The following CALN1 variants were observed in gnomAD, a reference collection of about 807,000 sequenced individuals.
CALN1 encodes calneuron 1.
Under a neutral mutation model 30.6 loss-of-function variants are expected in CALN1, and 17 were observed. The ratio of observed to expected loss-of-function variants is 0.56; its 90% CI spans 0.38 to 0.83. The LOEUF (loss-of-function observed/expected upper bound fraction) is 0.83. Among genes scored for constraint, CALN1 ranks in the 40% least tolerant of loss-of-function variants. CALN1 has a pLI of 0.00. For missense variants in CALN1, 291 were observed against 354.9 expected (o/e 0.82, Z 1.45); for synonymous variants, 156 against 131.4 (o/e 1.19, Z -1.28).
intron 5 of CALN1, among the ~76,000 whole-genome samples, chr7:71,989,482 G>A (rs1253078098): frequency 1.3e-5 from 2 of 151,696 alleles, no homozygotes; most frequent in East Asian, 1.9e-4. Context: ...CAATATCTGG[G>A]AGGAATTTCC....
intron 5 of CALN1, among the ~76,000 whole-genome samples, chr7:71,937,261 G>T (rs1471436392): frequency 1.3e-5 from 2 of 151,876 alleles, no homozygotes; most frequent in African/African-American, 4.8e-5. Flanking sequence ...AGTGAGCTGA[G>T]ATCGTACCAT....
At chr7:72,301,150 G>A (rs1188297205) in intron 2 of CALN1, among the ~76,000 whole-genome samples, 2 of 152,180 alleles carry the variant, frequency 1.3e-5, no homozygotes, top group African/African-American at 4.8e-5. Context: ...ATGCAAACTG[G>A]AAAGAAAGTG....
At chr7:72,070,828 C>G (rs1183498055) in intron 4 of CALN1, among the ~76,000 whole-genome samples, 1 of 152,154 alleles carries the variant, frequency 6.6e-6, no homozygotes, top group Non-Finnish European at 1.5e-5. Context: ...CCTCCCCTGT[C>G]TATAATTCAA....
intron 5 of CALN1, among the ~76,000 whole-genome samples, chr7:71,981,190 G>A (rs563742296): frequency 3.6e-4 from 55 of 152,278 alleles, no homozygotes; most frequent in African/African-American, 1.3e-3. Flanking sequence ...TATTTAGTGT[G>A]TTAGATCTTA....
intron 2 of CALN1, among the ~76,000 whole-genome samples, chr7:72,400,138 G>A (rs1005371630): frequency 6.6e-6 from 1 of 151,920 alleles, no homozygotes; most frequent in Non-Finnish European, 1.5e-5. Context: ...GCACAAAACG[G>A]ACTAATACAT....
intron 3 of CALN1, among the ~76,000 whole-genome samples, chr7:72,238,185 A>G (rs1456850742): frequency 6.6e-6 from 1 of 152,206 alleles, no homozygotes; most frequent in African/African-American, 2.4e-5. Flanking sequence ...AAAATTCACA[A>G]AAGGAAATCA....
intron 4 of CALN1, among the ~76,000 whole-genome samples, chr7:72,074,067 C>G (rs1354007899): frequency 6.6e-6 from 1 of 152,142 alleles, no homozygotes; most frequent in Non-Finnish European, 1.5e-5. Flanking sequence ...TGGGGAGAAT[C>G]AAGTGTCAGG....
At chr7:72,164,069 A>C (rs1455260593) in intron 3 of CALN1, among the ~76,000 whole-genome samples, 1 of 152,200 alleles carries the variant, frequency 6.6e-6, no homozygotes, top group Non-Finnish European at 1.5e-5. Flanking sequence ...GTATCCTTTT[A>C]AGAAGATGGC....
At chr7:71,909,948 G>A (rs1794338760) in intron 5 of CALN1, among the ~76,000 whole-genome samples, 1 of 152,182 alleles carries the variant, frequency 6.6e-6, no homozygotes, top group Non-Finnish European at 1.5e-5. Context: ...GCATGGCTGG[G>A]GAGGCCTCCC....
At chr7:72,135,505 T>C (rs112952850) in intron 3 of CALN1, among the ~76,000 whole-genome samples, 2,075 of 152,330 alleles carry the variant, frequency 0.014, 50 homozygotes, top group African/African-American at 0.047. Flanking sequence ...ACCAGGTGCA[T>C]TGTCAATGAG....
rs1311645440 is a variant in CALN1 at position 72,099,390 on chromosome 7, T to A, written c.388+6761A>T. ...TGTTCCACACCAAAGAGAAACTTAATTAGGTAGGCTCGAATCTCTGGAGGA... is the reference window on the plus strand; with the variant it reads ...TGTTCCACACCAAAGAGAAACTTAAATAGGTAGGCTCGAATCTCTGGAGGA... On this transcript the variant is annotated intron_variant, in intron 4 of 6. Coordinates refer to ENST00000395275, the MANE Select transcript of CALN1 (RefSeq NM_031468.4). Among the ~76,000 whole-genome samples the A allele has an allele frequency of 2.0e-5, 3 of 151,296 alleles. No homozygotes were observed. The East Asian group carries it at 5.8e-4, about 29-fold the overall frequency.
At chr7:72,052,341 C>A (rs961534803) in intron 4 of CALN1, among the ~76,000 whole-genome samples, 1 of 152,080 alleles carries the variant, frequency 6.6e-6, no homozygotes, top group African/African-American at 2.4e-5. Context: ...CCAGGGAAGG[C>A]AGGTCTCTGG....
chr7:71,831,118 T>C (rs1789249949), intron 5 of CALN1, among the ~76,000 whole-genome samples: 1 of 152,152 alleles, frequency 6.6e-6, no homozygotes, highest in South Asian at 2.1e-4. Flanking sequence ...ACTAGTTGCG[T>C]ACCCTGAAGC....
chr7:72,486,327 T>A, the CALN1 span, among the ~76,000 whole-genome samples: 1 of 152,304 alleles, frequency 6.6e-6, no homozygotes, highest in Non-Finnish European at 1.5e-5. Context: ...GTAGTAATAA[T>A]ACATATAAAC....
chr7:72,303,276 G>A (rs1444036433), intron 2 of CALN1, among the ~76,000 whole-genome samples: 1 of 152,150 alleles, frequency 6.6e-6, no homozygotes, highest in Non-Finnish European at 1.5e-5. Context: ...CAGTGCCAAG[G>A]AGGACAGGAA....
chr7:72,245,439 T>C (rs1795095412), intron 3 of CALN1, among the ~76,000 whole-genome samples: 1 of 151,144 alleles, frequency 6.6e-6, no homozygotes, highest in Admixed American at 6.6e-5. Context: ...ACCAACATGG[T>C]GAAACCCCCA....
intron 2 of CALN1, among the ~76,000 whole-genome samples, chr7:72,294,780 A>ATAAAT (rs1298970266): frequency 6.6e-6 from 1 of 151,578 alleles, no homozygotes; most frequent in Non-Finnish European, 1.5e-5. Context: ...AAATAAATAA[A>ATAAAT]TACAGATTTT....
At chr7:71,896,965 T>C (rs1279634452) in intron 5 of CALN1, among the ~76,000 whole-genome samples, 3 of 152,198 alleles carry the variant, frequency 2.0e-5, no homozygotes, top group African/African-American at 7.2e-5. Context: ...CCCTATATTC[T>C]ACATTTTTGT....
chr7:72,499,822 C>CTTCCTTCT, the CALN1 span, among the ~76,000 whole-genome samples: 1 of 48,594 alleles, frequency 2.1e-5, no homozygotes, highest in African/African-American at 1.2e-4. Flanking sequence ...TCCTTCCTTC[C>CTTCCTTCT]TTCCTTCTTT....
Sources: allele counts gnomAD v4.1 joint callset (sites outside exome capture counted in the v4.1 genomes callset), GRCh38; gene constraint gnomAD v4.1.1; transcripts MANE v1.5; gene names NCBI Gene and HGNC (gene_info 2026-07-23, HGNC 2026-07-21).